BTBD8: variants seen among roughly 807,000 people sequenced by gnomAD.
The protein encoded by BTBD8 is BTB domain containing 8, also known as BTB/POZ domain-containing protein 8.
Under a neutral mutation model 162.9 loss-of-function variants are expected in BTBD8, and 110 were observed. That is an observed-to-expected ratio of 0.68 (90% CI 0.58 to 0.79). BTBD8 has a LOEUF of 0.79. Among genes scored for constraint, BTBD8 ranks in the 30% least tolerant of loss-of-function variants. BTBD8 has a pLI of 0.00. For missense variants in BTBD8, 1,905 were observed against 2,085.4 expected (o/e 0.91, Z 1.68); for synonymous variants, 667 against 716.1 (o/e 0.93, Z 1.10).
At chr1:92,109,881 T>G (rs1391168289) in intron 4 of BTBD8, among the ~76,000 whole-genome samples, 4 of 152,240 alleles carry the variant, frequency 2.6e-5, no homozygotes, top group Non-Finnish European at 5.9e-5. Flanking sequence ...TACTTTAATT[T>G]TTTAATTATA....
chr1:92,092,466 A>G (rs1226313670), intron 2 of BTBD8, among the ~76,000 whole-genome samples: 2 of 151,910 alleles, frequency 1.3e-5, no homozygotes, highest in African/African-American at 4.8e-5. Flanking sequence ...CTGCCATCCA[A>G]GGACACAGTG....
intron 11 of BTBD8, among the ~76,000 whole-genome samples, chr1:92,168,424 G>C (rs562643392): frequency 1.3e-5 from 2 of 151,782 alleles, no homozygotes; most frequent in East Asian, 3.9e-4. Context: ...TTAAAATTAG[G>C]CTGGGAAGCA....
Position 92,182,587 on chromosome 1 carries a change from T to C in BTBD8, c.4904T>C (p.Leu1635Ser). The C allele has an allele frequency of 1.4e-6, 2 of 1,481,014 alleles. No individual in the cohort carries two copies. Among genetic ancestry groups the C allele is most frequent in the Non-Finnish European group, 1.8e-6 (2 of 1,118,986 alleles). The allele number at this position is 1,481,014 out of a possible 1,614,324, so 91.7% of individuals were successfully genotyped here. Residue 1635 changes from leucine to serine, a missense_variant, in exon 17 of 18, where the codon TTA becomes TCA. By Grantham distance (145) the Leu-to-Ser change is moderately radical. This residue lies in a region of BTBD8 where 517 missense variants were observed against 606.6 expected (regional missense o/e 0.85). Transcript: ENST00000636805. Reference sequence around the variant, plus strand: ...ACTACTGAAAAAGCTAATATTGCTTTATCTGCAGGTAATGTACAGAAATAG... The same window carrying C: ...ACTACTGAAAAAGCTAATATTGCTTCATCTGCAGGTAATGTACAGAAATAG... ...STTTEKANIA[L>S]SAGDIDDCDT...
chr1:92,080,816 C>G (rs1647989474), intron 1 of BTBD8, 96 bp downstream of exon 1: 5 of 1,514,394 alleles, frequency 3.3e-6, no homozygotes, highest in Non-Finnish European at 4.4e-6. Flanking sequence ...CCCCCTCCCT[C>G]AGCACTTGGT....
intron 9 of BTBD8, among the ~76,000 whole-genome samples, chr1:92,164,492 A>T (rs750001393): frequency 6.6e-6 from 1 of 151,964 alleles, no homozygotes; most frequent in Non-Finnish European, 1.5e-5. Context: ...GGTGGCGTGC[A>T]CCTGTAATAC....
intron 9 of BTBD8, among the ~76,000 whole-genome samples, chr1:92,157,597 G>C (rs2100652386): frequency 6.6e-6 from 1 of 152,200 alleles, no homozygotes; most frequent in East Asian, 1.9e-4. Flanking sequence ...TCAAACTCCT[G>C]GGCTTAAGTG....
intron 4 of BTBD8, among the ~76,000 whole-genome samples, chr1:92,120,141 C>T (rs1649164608): frequency 6.6e-6 from 1 of 152,070 alleles, no homozygotes; most frequent in Admixed American, 6.5e-5. Context: ...ATCCACCCGC[C>T]TCGGCCTTCA....
chr1:92,178,528 C>G, intron 16 of BTBD8, 77 bp downstream of exon 16: 2 of 1,193,770 alleles, frequency 1.7e-6, no homozygotes, highest in Non-Finnish European at 2.3e-6. Flanking sequence ...TGATTTGCAA[C>G]TTCAGTAGCA....
chr1:92,108,145 T>G, intron 4 of BTBD8, 144 bp downstream of exon 4: 1 of 790,414 alleles, frequency 1.3e-6, no homozygotes, highest in Non-Finnish European at 2.1e-6. Flanking sequence ...GGTTCCACTG[T>G]GATTCCTCAG....
At chr1:92,123,034 G>A (rs900251041) in intron 4 of BTBD8, among the ~76,000 whole-genome samples, 7 of 152,162 alleles carry the variant, frequency 4.6e-5, no homozygotes, top group East Asian at 1.9e-4. Flanking sequence ...TATGGTGTGA[G>A]GCAAGTGTCA....
chr1:92,089,476 G>A (rs560811253), intron 2 of BTBD8, among the ~76,000 whole-genome samples: 1 of 152,204 alleles, frequency 6.6e-6, no homozygotes, highest in East Asian at 1.9e-4. Flanking sequence ...TTATGTCTTA[G>A]TCCATTTGGG....
At position 92,183,872 on chromosome 1, in the gene BTBD8, G is replaced by C. The variant is rs770752885; in HGVS notation, c.4921G>C (p.Asp1641His). ...ATTATGAATTATTTCAGGAGACATA[G>C]ATGATTGTGACACACTGGCACAAAC... ...ANIALSAGDI[D>H]DCDTLAQTRM... is the part of the protein sequence containing the mutation. The change falls in exon 18 of 18, where the codon GAT becomes CAT. Residue 1641 changes from aspartate to histidine, a missense_variant. This residue lies in a region of BTBD8 where 517 missense variants were observed against 606.6 expected (regional missense o/e 0.85). Coordinates refer to ENST00000636805, the MANE Select transcript of BTBD8 (RefSeq NM_001376131.1). The C allele has an allele frequency of 7.8e-6, 12 of 1,546,428 alleles. No individual in the cohort carries two copies. Among genetic ancestry groups the C allele is most frequent in the South Asian group, 4.8e-5 (4 of 83,738 alleles).
chr1:92,100,943 A>C (rs759531600), intron 2 of BTBD8, among the ~76,000 whole-genome samples: 1 of 152,002 alleles, frequency 6.6e-6, no homozygotes, highest in Non-Finnish European at 1.5e-5. Context: ...TTATTTCCAT[A>C]GGTTTGTGGG....
chr1:92,157,017 G>C (rs1400774963), intron 9 of BTBD8, among the ~76,000 whole-genome samples: 2 of 148,810 alleles, frequency 1.3e-5, no homozygotes, highest in African/African-American at 4.9e-5. Context: ...ATAATATAAA[G>C]TTTTTTTTTC....
chr1:92,135,442 T>C (rs964730064), intron 5 of BTBD8, among the ~76,000 whole-genome samples: 1 of 152,258 alleles, frequency 6.6e-6, no homozygotes, highest in Admixed American at 6.5e-5. Flanking sequence ...GTTTAGTCTC[T>C]GATCTTAGAT....
chr1:92,169,544 A>ATTAGCATT (rs1457773409), intron 12 of BTBD8, among the ~76,000 whole-genome samples: 3 of 152,190 alleles, frequency 2.0e-5, no homozygotes, highest in Non-Finnish European at 4.4e-5. Context: ...AGCATTAAAC[A>ATTAGCATT]AAAGATGTAT....
rs770820138 is a variant in BTBD8 at position 92,182,222 on chromosome 1, T to G, written c.4539T>G (p.Thr1513=). Residue 1513 remains threonine (T), a synonymous_variant, in exon 17 of 18, where the codon ACT becomes ACG. Coordinates refer to ENST00000636805, the MANE Select transcript of BTBD8 (RefSeq NM_001376131.1). ...KGNSVCKNES[T]VLDLSSIDSS... ...ATAGTGTATGTAAAAATGAAAGCACTGTCTTGGATCTTAGTAGCATTGACT... is the reference window on the plus strand; with the variant it reads ...ATAGTGTATGTAAAAATGAAAGCACGGTCTTGGATCTTAGTAGCATTGACT... The G allele has an allele frequency of 6.4e-7, 1 of 1,550,436 alleles. No individual in the cohort carries two copies. Among genetic ancestry groups the G allele is most frequent in the African/African-American group, 1.4e-5 (1 of 72,942 alleles).
rs148471280 is a variant in BTBD8 at position 92,182,403 on chromosome 1, G to A, written c.4720G>A (p.Asp1574Asn). The A allele has an allele frequency of 4.7e-4, 731 of 1,550,150 alleles. 1 individual carries two copies. In the African/African-American group the frequency reaches 8.8e-3, roughly 19 times the overall value. Reference protein sequence around the residue: ...NDIQQRSKFLDSDVKSQERPC... With the variant: ...NDIQQRSKFLNSDVKSQERPC... The stretch of plus-strand genomic sequence containing the variant: ...CATTCAGCAACGCAGCAAATTCTTG[G>A]ATAGTGATGTAAAATCTCAAGAAAG... Residue 1574 changes from aspartate to asparagine, a missense_variant, in exon 17 of 18, where the codon GAT becomes AAT. By Grantham distance (23) the Asp-to-Asn change is conservative (BLOSUM62 1). This residue lies in a region of BTBD8 where 517 missense variants were observed against 606.6 expected (regional missense o/e 0.85). Coordinates refer to ENST00000636805, the MANE Select transcript of BTBD8 (RefSeq NM_001376131.1).
At chr1:92,139,933 A>C (rs1191995173) in intron 6 of BTBD8, 5 of 65,374 alleles carry the variant, frequency 7.6e-5, no homozygotes, top group Admixed American at 7.3e-4. Context: ...CTAAAAATAC[A>C]AAAAAAAAAA....
Sources: allele counts gnomAD v4.1 joint callset (sites outside exome capture counted in the v4.1 genomes callset), GRCh38; gene constraint gnomAD v4.1.1; regional missense constraint gnomAD v4.1.1; transcripts MANE v1.5; gene names NCBI Gene and HGNC (gene_info 2026-07-23, HGNC 2026-07-21).